Variants in ATP10A observed in about 807,000 individuals in gnomAD.
The protein encoded by ATP10A is phospholipid-transporting ATPase VA.
A neutral mutation model predicts 147.8 loss-of-function variants in ATP10A; 111 were observed. That is an observed-to-expected ratio of 0.75 (90% CI 0.64 to 0.88). The LOEUF (loss-of-function observed/expected upper bound fraction) is 0.88, where lower values mean the gene tolerates loss of function less well. Ranked by LOEUF, ATP10A falls within the 40% of genes least tolerant of loss-of-function variation. ATP10A has a pLI of 0.00. For synonymous variants in ATP10A, 875 were observed against 841.6 expected (o/e 1.04, Z -0.69); for missense variants, 1,927 against 1,959.0 (o/e 0.98, Z 0.31).
Position 25,683,407 on chromosome 15 carries a change from A to T in ATP10A, c.3371T>A (p.Ile1124Asn). ...TGACGAGAAGAGCAGATTAAAGAAG[A>T]TTAGATACCACTGGTCAATCATGGT... is the stretch of plus-strand genomic sequence containing the variant. ...ASTMIDQWYL[I>N]FFNLLFSSLP... The change falls in exon 17 of 21, where the codon ATC becomes AAC. Residue 1124 changes from isoleucine (I) to asparagine (N), a missense_variant. Transcript: ENST00000555815. 3 of 1,614,136 alleles carry T rather than the reference A, an allele frequency of 1.9e-6. No individual in the cohort carries two copies. The highest frequency in any genetic ancestry group is 2.5e-6 in the Non-Finnish European group (3 of 1,180,018).
rs1285403450 is a variant in ATP10A at position 25,679,149 on chromosome 15, C to T, written c.*192G>A. The T allele has an allele frequency of 1.5e-5, 5 of 336,674 alleles. No individual in the cohort carries two copies. The highest frequency in any genetic ancestry group is 2.0e-5 in the Non-Finnish European group (4 of 202,278). 20.9% of individuals were successfully genotyped at this position (336,674 alleles called of 1,614,324 possible). On this transcript the variant is annotated 3_prime_UTR_variant, in exon 21 of 21. Transcript: ENST00000555815. The stretch of plus-strand genomic sequence containing the variant: ...TTAAACTTTTATATATGTTAAGGCT[C>T]TTCTTTTTCTTTTCAATATACTCTA...
At chr15:25,713,436 AC>A (rs986408942) in intron 10 of ATP10A, among the ~76,000 whole-genome samples, 10 of 151,792 alleles carry the variant, frequency 6.6e-5, no homozygotes, top group African/African-American at 2.2e-4. Flanking sequence ...GTATCCTCTG[AC>A]CCCCCAGTTC....
intron 1 of ATP10A, among the ~76,000 whole-genome samples, chr15:25,834,298 G>T (rs937537619): frequency 6.6e-6 from 1 of 152,184 alleles, no homozygotes; most frequent in Non-Finnish European, 1.5e-5. Context: ...ACTAAAAACT[G>T]CAACTAAATA....
chr15:25,826,686 A>T (rs572761185), intron 1 of ATP10A, among the ~76,000 whole-genome samples: 6 of 152,246 alleles, frequency 3.9e-5, no homozygotes, highest in Non-Finnish European at 8.8e-5. Flanking sequence ...TCTCAGCTAC[A>T]TGGGAGGCTG....
At chr15:25,780,528 C>A (rs1403251082) in intron 2 of ATP10A, among the ~76,000 whole-genome samples, 8 of 152,178 alleles carry the variant, frequency 5.3e-5, no homozygotes, top group Non-Finnish European at 1.2e-4. Flanking sequence ...GTGCTTCCCT[C>A]CAGCCTCTCA....
chr15:25,774,333 G>T (rs1159289493), intron 2 of ATP10A, among the ~76,000 whole-genome samples: 1 of 152,196 alleles, frequency 6.6e-6, no homozygotes, highest in African/African-American at 2.4e-5. Context: ...CCAGCACTTT[G>T]GGAGGCCAAG....
chr15:25,744,086 A>G (rs544668313), intron 2 of ATP10A, among the ~76,000 whole-genome samples: 1 of 152,264 alleles, frequency 6.6e-6, no homozygotes, highest in South Asian at 2.1e-4. Context: ...CGCAACCAGG[A>G]AGAACGGCAT....
At chr15:25,769,146 A>G (rs990425723) in intron 2 of ATP10A, among the ~76,000 whole-genome samples, 3 of 152,068 alleles carry the variant, frequency 2.0e-5, no homozygotes, top group Non-Finnish European at 4.4e-5. Flanking sequence ...CCCATAGTAA[A>G]ATCCTAATTC....
intron 2 of ATP10A, among the ~76,000 whole-genome samples, chr15:25,761,959 G>T (rs2140631498): frequency 6.6e-6 from 1 of 152,258 alleles, no homozygotes; most frequent in East Asian, 1.9e-4. Context: ...GGAATGATAT[G>T]GTTTGGCTGT....
At chr15:25,724,061 G>A (rs777437296) in intron 5 of ATP10A, 40 bp from the exon 6 acceptor site, 1 of 1,456,050 alleles carries the variant, frequency 6.9e-7, no homozygotes, top group South Asian at 1.5e-5. Context: ...TCATCCAATG[G>A]AAAAATAAGA....
chr15:25,724,011 C>T lies in ATP10A; in HGVS notation c.990G>A (p.Leu330=), dbSNP rs552945525. Residue 330 remains leucine, a synonymous_variant, in exon 6 of 21, where the codon CTG becomes CTA. Coordinates refer to ENST00000555815, the MANE Select transcript of ATP10A (RefSeq NM_024490.4). Reference sequence around the variant, plus strand: ...TCTTCTCTTGATACCGCCATATCCACAGTCCATGTCCTGTAGTAATGTTCA... The same window carrying T: ...TCTTCTCTTGATACCGCCATATCCATAGTCCATGTCCTGTAGTAATGTTCA... ...MSLFSAVGHG[L]WIWRYQEKKS... is the part of the protein sequence containing the mutation. 1 of 1,598,838 alleles carries T rather than the reference C, an allele frequency of 6.3e-7. No homozygotes were observed. The highest frequency in any genetic ancestry group is 2.3e-5 in the East Asian group (1 of 44,308).
chr15:25,749,595 C>T (rs1345381955), intron 2 of ATP10A, among the ~76,000 whole-genome samples: 1 of 152,208 alleles, frequency 6.6e-6, no homozygotes, highest in African/African-American at 2.4e-5. Context: ...CAATATCTGG[C>T]ATCCTATTAA....
At position 25,848,432 on chromosome 15, in the gene ATP10A, G is replaced by T. The variant is rs151323352; in HGVS notation, c.449+14216C>A. ...GCCTCCTGAGGACCTGGGACTACAG[G>T]CTTGTGCCACTGCACCGGCTAAACA... On this transcript the variant is annotated intron_variant, in intron 1 of 20. Transcript: ENST00000555815. Among the ~76,000 whole-genome samples the T allele has an allele frequency of 2.2e-4, 33 of 152,226 alleles. No homozygotes were observed. The East Asian group carries it at 6.2e-3, about 29-fold the overall frequency.
At chr15:25,798,195 G>A (rs1032276995) in intron 1 of ATP10A, among the ~76,000 whole-genome samples, 1 of 152,116 alleles carries the variant, frequency 6.6e-6, no homozygotes, top group Non-Finnish European at 1.5e-5. Context: ...CCTGGCAGGT[G>A]AGATGGACCC....
intron 17 of ATP10A, among the ~76,000 whole-genome samples, chr15:25,681,915 AT>A (rs977058507): frequency 2.6e-5 from 4 of 152,194 alleles, no homozygotes; most frequent in African/African-American, 9.6e-5. Flanking sequence ...TTAGCCAGGC[AT>A]GGTGGTGGGC....
chr15:25,755,563 C>T (rs9972324), intron 2 of ATP10A, among the ~76,000 whole-genome samples: 117,810 of 152,112 alleles, frequency 0.77, 46,099 homozygotes, highest in Non-Finnish European at 0.83. Context: ...TCCAAAAAAT[C>T]GTTGCCACTT....
rs115927855 is a variant in ATP10A at position 25,748,310 on chromosome 15, T to C, written c.655-12169A>G. ...CCAGAAATATATAAAAGATAATACATTAGGAAGATGGATATAGCTCAAGAA... is the reference window on the plus strand; with the variant it reads ...CCAGAAATATATAAAAGATAATACACTAGGAAGATGGATATAGCTCAAGAA... On this transcript the variant is annotated intron_variant, in intron 2 of 20. Coordinates refer to ENST00000555815, the MANE Select transcript of ATP10A (RefSeq NM_024490.4). Among the ~76,000 whole-genome samples the C allele has an allele frequency of 6.7e-3, 1,026 of 152,226 alleles. 16 individuals carry two copies. The highest frequency in any genetic ancestry group is 0.023 in the African/African-American group (952 of 41,516).
At chr15:25,802,500 C>T (rs899132380) in intron 1 of ATP10A, among the ~76,000 whole-genome samples, 2 of 152,150 alleles carry the variant, frequency 1.3e-5, no homozygotes, top group African/African-American at 4.8e-5. Flanking sequence ...GGCTGAAAAC[C>T]ACACACGTTT....
At chr15:25,730,256 C>T (rs1349444646) in intron 3 of ATP10A, among the ~76,000 whole-genome samples, 5 of 150,390 alleles carry the variant, frequency 3.3e-5, no homozygotes, top group Non-Finnish European at 5.9e-5. Flanking sequence ...GAGCCAAGAT[C>T]GCGCCACTGC....
Sources: gnomAD v4.1 joint callset for allele counts (sites outside exome capture counted in the v4.1 genomes callset) on GRCh38, gnomAD v4.1.1 for gene constraint, MANE v1.5 for transcripts, NCBI Gene and HGNC (gene_info 2026-07-23, HGNC 2026-07-21) for gene names.